Variants in DCBLD1 observed in about 807,000 individuals in gnomAD.
The protein encoded by DCBLD1 is discoidin, CUB and LCCL domain containing 1, also known as discoidin, CUB and LCCL domain-containing protein 1.
Under a neutral mutation model 71.5 loss-of-function variants are expected in DCBLD1, and 57 were observed. The observed-to-expected ratio is 0.80, with a 90% CI of 0.64 to 0.99. The LOEUF (loss-of-function observed/expected upper bound fraction) is 0.99. DCBLD1 is among the 50% of genes least tolerant of loss of function. The pLI is 0.00. For missense variants in DCBLD1, 891 were observed against 923.5 expected (o/e 0.96, Z 0.46); for synonymous variants, 380 against 363.8 (o/e 1.04, Z -0.51).
At chr6:117,503,556 C>A (rs1414193747) in intron 1 of DCBLD1, 2 of 571,244 alleles carry the variant, frequency 3.5e-6, no homozygotes, top group Non-Finnish European at 3.1e-6. Context: ...ATGTTTTGAT[C>A]AACAAGAAGA....
At chr6:117,523,242 AT>A (rs1778442135) in intron 4 of DCBLD1, among the ~76,000 whole-genome samples, 1 of 152,150 alleles carries the variant, frequency 6.6e-6, no homozygotes, top group Non-Finnish European at 1.5e-5. Flanking sequence ...TAGCCCAGCC[AT>A]TTTGTAGTGT....
downstream of DCBLD1, among the ~76,000 whole-genome samples, chr6:117,552,500 C>G (rs148266915): frequency 6.6e-6 from 1 of 152,086 alleles, no homozygotes; most frequent in Non-Finnish European, 1.5e-5. Flanking sequence ...TCCTTTTTTA[C>G]TTTTTCACCA....
Position 117,545,541 on chromosome 6 carries a change from A to C in DCBLD1, c.1559A>C (p.Tyr520Ser), listed in dbSNP as rs751510320. ...RHQSAEFTIS[Y>S]DNEKEMTQKL... ...CAGTCAGCTGAGTTTACCATCAGCTATGATAATGAGAAGGAGATGACACAA... is the reference window on the plus strand; with the variant it reads ...CAGTCAGCTGAGTTTACCATCAGCTCTGATAATGAGAAGGAGATGACACAA... Residue 520 changes from tyrosine (Y) to serine (S), a missense_variant, in exon 14 of 15, where the codon TAT becomes TCT. Coordinates refer to ENST00000338728, the MANE Select transcript of DCBLD1 (RefSeq NM_001366458.2). 36 of 1,614,196 alleles carry C rather than the reference A, an allele frequency of 2.2e-5. No individual in the cohort carries two copies. Among genetic ancestry groups the C allele is most frequent in the Non-Finnish European group, 3.0e-5 (35 of 1,180,010 alleles).
intron 14 of DCBLD1, among the ~76,000 whole-genome samples, chr6:117,546,521 G>A (rs892178645): frequency 5.9e-5 from 9 of 152,188 alleles, no homozygotes; most frequent in African/African-American, 2.2e-4. Flanking sequence ...AGCATCCTCT[G>A]CAACCAAAAT....
intron 14 of DCBLD1, among the ~76,000 whole-genome samples, chr6:117,556,617 T>A (rs1225881001): frequency 1.3e-5 from 2 of 152,216 alleles, no homozygotes; most frequent in Non-Finnish European, 2.9e-5. Flanking sequence ...TATCCAGTCA[T>A]CCATTGATGG....
chr6:117,499,063 A>G (rs547258187), intron 1 of DCBLD1, among the ~76,000 whole-genome samples: 8 of 138,102 alleles, frequency 5.8e-5, no homozygotes, highest in Non-Finnish European at 1.1e-4. Context: ...GGTCAACTGT[A>G]TTTCATAGAG....
intron 6 of DCBLD1, among the ~76,000 whole-genome samples, 168 bp from the exon 7 acceptor site, chr6:117,537,017 A>G (rs373620181): frequency 1.3e-5 from 2 of 152,148 alleles, no homozygotes; most frequent in East Asian, 1.9e-4. Context: ...TTCCTGTTCT[A>G]TAAAATACCA....
At chr6:117,561,190 G>A (rs994155189) in intron 14 of DCBLD1, 4 of 222,886 alleles carry the variant, frequency 1.8e-5, no homozygotes, top group African/African-American at 6.7e-5. Context: ...GTCCTTAAAA[G>A]GAATTTATAT....
chr6:117,538,214 T>C (rs1419729784), intron 7 of DCBLD1, among the ~76,000 whole-genome samples: 2 of 152,240 alleles, frequency 1.3e-5, no homozygotes, highest in Non-Finnish European at 2.9e-5. Flanking sequence ...CACATCTGCT[T>C]TTCAAGTATG....
downstream of DCBLD1, among the ~76,000 whole-genome samples, chr6:117,551,602 A>C (rs946938893): frequency 1.9e-4 from 29 of 152,014 alleles, no homozygotes; most frequent in African/African-American, 6.3e-4. Flanking sequence ...GATCGTCTGG[A>C]TCTCCTGACC....
chr6:117,491,975 G>A (rs1015363400), intron 1 of DCBLD1, among the ~76,000 whole-genome samples: 6 of 152,168 alleles, frequency 3.9e-5, no homozygotes, highest in Non-Finnish European at 8.8e-5. Context: ...ACTTCTAATT[G>A]TATCACAATA....
rs1211083366 is a variant in DCBLD1, at chr6:117,521,566, A to G, written c.502A>G (p.Thr168Ala). Residue 168 changes from threonine to alanine, a missense_variant, in exon 4 of 15, where the codon ACA becomes GCA. Physicochemically the swap from Thr to Ala is moderately conservative, Grantham distance 58. Transcript: ENST00000338728. ...GGAACGAGCTAGCCATTATTTGAAG[A>G]CAGAATACAGGTAAGTATAGGTATC... ...CLERASHYLK[T>A]EYSKFCPAGC... 6.4e-7 allele frequency: 1 copy of G among 1,566,532 alleles called. No individual in the cohort carries two copies. Among genetic ancestry groups the G allele is most frequent in the Non-Finnish European group, 8.6e-7 (1 of 1,165,840 alleles).
chr6:117,518,072 C>T (rs746836803), intron 2 of DCBLD1, among the ~76,000 whole-genome samples: 7 of 152,188 alleles, frequency 4.6e-5, no homozygotes, highest in Non-Finnish European at 8.8e-5. Flanking sequence ...AACTTTTATG[C>T]TCTGCTTCCC....
Position 117,548,952 on chromosome 6 carries a change from C to T in DCBLD1, c.*513C>T, listed in dbSNP as rs530263049. Reference sequence around the variant, plus strand: ...TTGTTGTTATTGAGTCATTTCCTCTCCTTTGATAACTAGAACTGAAAGCAT... The same window carrying T: ...TTGTTGTTATTGAGTCATTTCCTCTTCTTTGATAACTAGAACTGAAAGCAT... On this transcript the variant is annotated 3_prime_UTR_variant, in exon 15 of 15. Transcript: ENST00000338728. The T allele has an allele frequency of 4.2e-4, 415 of 987,674 alleles. No homozygotes were observed. The highest frequency in any genetic ancestry group is 4.8e-4 in the Non-Finnish European group (402 of 831,490). The allele number at this position is 987,674 out of a possible 1,614,324, so 61.2% of individuals were successfully genotyped here. A position where few individuals can be genotyped will look rare whatever the true frequency, so the allele number is the denominator to read the frequency against.
chr6:117,507,549 A>G (rs1777882366), intron 2 of DCBLD1, among the ~76,000 whole-genome samples: 1 of 152,222 alleles, frequency 6.6e-6, no homozygotes, highest in Admixed American at 6.5e-5. Context: ...AAGAAGTATC[A>G]TACTTTTCTT....
chr6:117,569,261 T>C (rs889757935), intron 14 of DCBLD1, among the ~76,000 whole-genome samples: 4 of 152,246 alleles, frequency 2.6e-5, no homozygotes, highest in Non-Finnish European at 5.9e-5. Context: ...TCTCAGGTCC[T>C]GTTCTGAGTA....
At chr6:117,516,549 C>T (rs180856734) in intron 2 of DCBLD1, among the ~76,000 whole-genome samples, 2 of 152,198 alleles carry the variant, frequency 1.3e-5, no homozygotes, top group Admixed American at 1.3e-4. Context: ...GTATGTGAAA[C>T]TTGAAACAGA....
At chr6:117,490,117 A>G (rs939865367) in intron 1 of DCBLD1, among the ~76,000 whole-genome samples, 1 of 151,936 alleles carries the variant, frequency 6.6e-6, no homozygotes, top group Non-Finnish European at 1.5e-5. Flanking sequence ...ACACACACAC[A>G]CACACACCCC....
chr6:117,514,279 C>G (rs2114467433), intron 2 of DCBLD1, among the ~76,000 whole-genome samples: 1 of 152,120 alleles, frequency 6.6e-6, no homozygotes, highest in East Asian at 1.9e-4. Context: ...TCTTGCTATT[C>G]TGATGTTTGT....
Sources: allele counts gnomAD v4.1 joint callset (sites outside exome capture counted in the v4.1 genomes callset), GRCh38; gene constraint gnomAD v4.1.1; transcripts MANE v1.5; gene names NCBI Gene and HGNC (gene_info 2026-07-23, HGNC 2026-07-21).